Variants in DNAJC3 observed in about 807,000 individuals in gnomAD.
The protein encoded by DNAJC3 is DnaJ heat shock protein family (Hsp40) member C3.
In DNAJC3, 38 loss-of-function variants were observed where a neutral mutation model predicts 68.6. The observed-to-expected ratio is 0.55, with a 90% confidence interval of 0.43 to 0.73. The LOEUF is 0.73. Ranked by LOEUF, DNAJC3 falls within the 30% of genes least tolerant of loss-of-function variation. The pLI is 0.00. For synonymous variants in DNAJC3, 203 were observed against 204.0 expected (o/e 1.00, Z 0.04); for missense variants, 526 against 591.9 (o/e 0.89, Z 1.16).
intron 4 of DNAJC3, among the ~76,000 whole-genome samples, chr13:95,726,153 A>T (rs1456095793): frequency 2.6e-5 from 4 of 151,996 alleles, no homozygotes; most frequent in East Asian, 3.9e-4. Flanking sequence ...ATGTGTCTTT[A>T]TAGCAGCATG....
At chr13:95,699,937 C>T (rs1880541778) in intron 1 of DNAJC3, among the ~76,000 whole-genome samples, 1 of 152,136 alleles carries the variant, frequency 6.6e-6, no homozygotes, top group South Asian at 2.1e-4. Context: ...CCTGCTTCAG[C>T]CTCCTGAGTA....
chr13:95,678,208 G>T (rs1879816955), intron 1 of DNAJC3, among the ~76,000 whole-genome samples: 1 of 152,142 alleles, frequency 6.6e-6, no homozygotes, highest in African/African-American at 2.4e-5. Flanking sequence ...CGAAATATTC[G>T]AGTGTAATGA....
intron 4 of DNAJC3, among the ~76,000 whole-genome samples, chr13:95,750,981 C>T (rs17885955): frequency 0.017 from 2,608 of 152,304 alleles, 78 homozygotes; most frequent in African/African-American, 0.06. Context: ...TGAGGAGGCT[C>T]ACACCTGTAA....
chr13:95,684,557 G>T (rs1380969007), intron 1 of DNAJC3, among the ~76,000 whole-genome samples: 4 of 152,254 alleles, frequency 2.6e-5, no homozygotes, highest in Non-Finnish European at 5.9e-5. Flanking sequence ...TTATAGGGGA[G>T]TAATTCAAGC....
Position 95,744,991 on chromosome 13 carries a change from G to A in DNAJC3, c.394-12653G>A, listed in dbSNP as rs370070148. The stretch of plus-strand genomic sequence containing the variant: ...CTGCAAACATAAGCAGAGCTTTTGC[G>A]GTACAGTCTGGCATTAAGTATTACG... On this transcript the variant is annotated intron_variant, in intron 4 of 11. Transcript: ENST00000602402. 4.6e-5 allele frequency: 7 copies of A among 152,194 alleles called. No homozygotes were observed. The East Asian group carries it at 7.7e-4, about 17-fold the overall frequency. 9.4% of individuals were successfully genotyped at this position (152,194 alleles called of 1,614,324 possible).
At position 95,792,773 on chromosome 13, in the gene DNAJC3, C is replaced by CTGTT. The variant is rs1394345034; in HGVS notation, c.*1745_*1748dup. On this transcript the variant is annotated 3_prime_UTR_variant, in exon 12 of 12. Transcript: ENST00000602402. ...TGTAAAAATAATTTCCAAGGCATTT[C>CTGTT]TGTTTATTCTTTAGTAATCTCACTA... 1 of 152,202 alleles carries CTGTT rather than the reference C, an allele frequency of 6.6e-6. No homozygotes were observed. Among genetic ancestry groups the CTGTT allele is most frequent in the African/African-American group, 2.4e-5 (1 of 41,458 alleles). 9.4% of individuals were successfully genotyped at this position (152,202 alleles called of 1,614,324 possible). A position where few individuals can be genotyped will look rare whatever the true frequency, so the allele number is the denominator to read the frequency against.
Position 95,763,960 on chromosome 13 carries a change from C to A in DNAJC3, c.1075+7C>A. ...GAGGAAATGTATGATGAAGGTAAAT[C>A]TTTAAGGATTTGATTTGCAGTACCG... On this transcript the variant is annotated splice_region_variant and intron_variant, in intron 9 of 11. Coordinates refer to ENST00000602402, the MANE Select transcript of DNAJC3 (RefSeq NM_006260.5). 1 of 1,613,268 alleles carries A rather than the reference C, an allele frequency of 6.2e-7. No homozygotes were observed.
At chr13:95,718,680 C>T (rs1388741269) in intron 2 of DNAJC3, among the ~76,000 whole-genome samples, 2 of 152,200 alleles carry the variant, frequency 1.3e-5, no homozygotes, top group Non-Finnish European at 2.9e-5. Flanking sequence ...GTATTACAGG[C>T]ATGAGCCACT....
In DNAJC3 at chr13:95,760,194, A is replaced by G. The variant is rs1882780441; in HGVS notation, c.701A>G (p.Gln234Arg). 6.2e-7 allele frequency: 1 copy of G among 1,601,126 alleles called. No individual in the cohort carries two copies. Among genetic ancestry groups the G allele is most frequent in the Non-Finnish European group, 8.5e-7 (1 of 1,173,700 alleles). ...AFYKISTLYY[Q>R]LGDHELSLSE... ...TATAAAATAAGCACACTGTACTACC[A>G]ACTAGGAGACCACGAACTGTCCCTC... Residue 234 changes from glutamine to arginine, a missense_variant, in exon 6 of 12, where the codon CAA (glutamine) becomes CGA (arginine). Transcript: ENST00000602402.
At chr13:95,781,792 A>G (rs182379440) in intron 9 of DNAJC3, among the ~76,000 whole-genome samples, 6 of 150,734 alleles carry the variant, frequency 4.0e-5, no homozygotes, top group Non-Finnish European at 7.4e-5. Context: ...TGGGATAAAC[A>G]TTGGATGTGT....
intron 9 of DNAJC3, among the ~76,000 whole-genome samples, chr13:95,783,019 G>C (rs1284002679): frequency 2.0e-5 from 3 of 152,156 alleles, no homozygotes; most frequent in Non-Finnish European, 4.4e-5. Flanking sequence ...TCCAGTTTCA[G>C]TTTTCCACAT....
intron 11 of DNAJC3, among the ~76,000 whole-genome samples, chr13:95,787,451 A>G (rs1382562628): frequency 1.3e-5 from 2 of 152,206 alleles, no homozygotes; most frequent in African/African-American, 4.8e-5. Flanking sequence ...AACACTGAGC[A>G]TAAGAGGATC....
At chr13:95,711,440 G>T (rs187567785) in intron 2 of DNAJC3, among the ~76,000 whole-genome samples, 4 of 152,284 alleles carry the variant, frequency 2.6e-5, no homozygotes, top group African/African-American at 9.6e-5. Context: ...GGAGGTTGCA[G>T]TGAGCCAAGA....
In DNAJC3 at chr13:95,790,481, G is replaced by T. The variant is rs187501709; in HGVS notation, c.1358-392G>T. Among the ~76,000 whole-genome samples, 500 of 152,328 alleles carry T rather than the reference G, an allele frequency of 3.3e-3. 2 individuals are homozygous for T. Among genetic ancestry groups the T allele is most frequent in the Non-Finnish European group, 5.1e-3 (345 of 68,026 alleles). On this transcript the variant is annotated intron_variant, in intron 11 of 11. Transcript: ENST00000602402. ...TGCTTGATGAGGTCATTGCCTTACAGACTTTATTTTGGGGATTAGGGTGGT... is the reference window on the plus strand; with the variant it reads ...TGCTTGATGAGGTCATTGCCTTACATACTTTATTTTGGGGATTAGGGTGGT...
intron 1 of DNAJC3, among the ~76,000 whole-genome samples, chr13:95,689,622 C>A (rs554646066): frequency 2.0e-5 from 3 of 149,274 alleles, no homozygotes; most frequent in Admixed American, 6.7e-5. Flanking sequence ...CTTTTTATTT[C>A]TTTTCTCCCA....
At chr13:95,721,086 C>T (rs772378502) in intron 2 of DNAJC3, among the ~76,000 whole-genome samples, 10 of 152,210 alleles carry the variant, frequency 6.6e-5, no homozygotes, top group Non-Finnish European at 1.2e-4. Flanking sequence ...CAGCCCCTGG[C>T]AACCACTATT....
chr13:95,734,857 T>C (rs1881844613), intron 4 of DNAJC3, among the ~76,000 whole-genome samples: 2 of 150,964 alleles, frequency 1.3e-5, no homozygotes, highest in South Asian at 4.2e-4. Flanking sequence ...TTAGGATACA[T>C]GTGCACATTG....
At chr13:95,711,036 A>C (rs1593969643) in intron 2 of DNAJC3, among the ~76,000 whole-genome samples, 1 of 152,094 alleles carries the variant, frequency 6.6e-6, no homozygotes, top group Non-Finnish European at 1.5e-5. Flanking sequence ...AAAAACTATC[A>C]TCCTATTGTT....
At position 95,793,655 on chromosome 13, in the gene DNAJC3, G is replaced by T; in HGVS notation, c.*2625G>T. On this transcript the variant is annotated 3_prime_UTR_variant, in exon 12 of 12. Coordinates refer to ENST00000602402, the MANE Select transcript of DNAJC3 (RefSeq NM_006260.5). ...ATTTTTGTATTTTTAGTAGAAATGG[G>T]GTTTCACTGTGTTAGCCAGGATGGT... 1 of 152,400 alleles carries T rather than the reference G, an allele frequency of 6.6e-6. No individual in the cohort carries two copies. The highest frequency in any genetic ancestry group is 1.5e-5 in the Non-Finnish European group (1 of 68,274). The allele number at this position is 152,400 out of a possible 1,614,324, so 9.4% of individuals were successfully genotyped here. A position where few individuals can be genotyped will look rare whatever the true frequency, so the allele number is the denominator to read the frequency against.
Sources: gnomAD v4.1 joint callset for allele counts (sites outside exome capture counted in the v4.1 genomes callset) on GRCh38, gnomAD v4.1.1 for gene constraint, MANE v1.5 for transcripts, NCBI Gene and HGNC (gene_info 2026-07-23, HGNC 2026-07-21) for gene names.